RBFOX1: variants seen among roughly 807,000 people sequenced by gnomAD.
RBFOX1 encodes RNA binding protein fox-1 homolog 1.
In RBFOX1, 8 loss-of-function variants were observed where a neutral mutation model predicts 57.7. The observed-to-expected ratio is 0.14, with a 90% CI of 0.08 to 0.25. RBFOX1 has a LOEUF of 0.25. Ranked by LOEUF, RBFOX1 falls within the 10% of genes least tolerant of loss-of-function variation. RBFOX1 has a pLI of 1.00. For missense variants in RBFOX1, 611 were observed against 548.5 expected, an observed-to-expected ratio of 1.11 and a Z score of -1.14; for synonymous variants, 326 against 222.4, an observed-to-expected ratio of 1.47 and a Z score of -4.15.
chr16:6,002,837 G>C (rs574356315), intron 4 of RBFOX1, among the ~76,000 whole-genome samples: 1 of 152,200 alleles, frequency 6.6e-6, no homozygotes, highest in Non-Finnish European at 1.5e-5. Flanking sequence ...CGTGGTTTGT[G>C]GACTCCCATA....
intron 3 of RBFOX1, among the ~76,000 whole-genome samples, chr16:5,660,891 G>T (rs566645102): frequency 2.0e-5 from 3 of 152,182 alleles, no homozygotes; most frequent in African/African-American, 4.8e-5. Context: ...GCTGCTGCGT[G>T]TGCAAATTGA....
chr16:7,326,315 C>G (rs887577259), intron 4 of RBFOX1, among the ~76,000 whole-genome samples: 20 of 152,210 alleles, frequency 1.3e-4, no homozygotes, highest in Admixed American at 1.2e-3. Flanking sequence ...CCATAGATCA[C>G]GAGTGCTGGG....
At position 6,290,249 on chromosome 16, in the gene RBFOX1, T is replaced by C. The variant is rs1435474032; in HGVS notation, c.-126-26746T>C. ...AGCAGTGATGTCCGTGTGAATAACA[T>C]GTGCACTAAGAACGAAGGTGAATAT... On this transcript the variant is annotated intron_variant, in intron 1 of 15. Transcript: ENST00000550418. Among the ~76,000 whole-genome samples, 3 of 142,150 alleles carry C rather than the reference T, an allele frequency of 2.1e-5. 1 individual carries two copies. Among genetic ancestry groups the C allele is most frequent in the Non-Finnish European group, 4.6e-5 (3 of 65,406 alleles). 93.3% of individuals were successfully genotyped at this position (142,150 alleles called of 152,430 possible). A position where few individuals can be genotyped will look rare whatever the true frequency, so the allele number is the denominator to read the frequency against.
intron 4 of RBFOX1, among the ~76,000 whole-genome samples, chr16:7,067,320 T>A (rs1397428137): frequency 2.0e-5 from 3 of 152,044 alleles, no homozygotes; most frequent in Non-Finnish European, 4.4e-5. Context: ...AAAAAAATAG[T>A]GGTTTATAGA....
chr16:7,083,213 C>G (rs1005142568), intron 4 of RBFOX1, among the ~76,000 whole-genome samples: 4 of 152,064 alleles, frequency 2.6e-5, no homozygotes, highest in Admixed American at 2.0e-4. Flanking sequence ...TCCATTCCGT[C>G]TGTTTAACCT....
chr16:7,444,742 G>T (rs1171810198), intron 4 of RBFOX1, among the ~76,000 whole-genome samples: 3 of 152,112 alleles, frequency 2.0e-5, no homozygotes, highest in African/African-American at 4.8e-5. Context: ...ACGTTGCCCA[G>T]GCTGGTCCTG....
At chr16:6,610,409 C>T (rs559338050) in intron 2 of RBFOX1, among the ~76,000 whole-genome samples, 1 of 152,214 alleles carries the variant, frequency 6.6e-6, no homozygotes, top group African/African-American at 2.4e-5. Flanking sequence ...CTCACTGCAG[C>T]ATCAACCTTG....
intron 11 of RBFOX1, among the ~76,000 whole-genome samples, chr16:7,648,911 A>C (rs1166662522): frequency 6.6e-6 from 1 of 152,190 alleles, no homozygotes; most frequent in Admixed American, 6.5e-5. Flanking sequence ...ACTCTTTCAA[A>C]ATCTGGTTAC....
Position 7,504,729 on chromosome 16 carries a change from A to ATATATATT in RBFOX1, c.28-13411_28-13410insTTATATAT, listed in dbSNP as rs1567553303. Among the ~76,000 whole-genome samples the ATATATATT allele has an allele frequency of 2.4e-3, 17 of 7,124 alleles. 1 individual carries two copies. The highest frequency in any genetic ancestry group is 0.019 in the South Asian group (3 of 158). 4.7% of individuals were successfully genotyped at this position (7,124 alleles called of 152,430 possible). On this transcript the variant is annotated intron_variant, in intron 4 of 15. Transcript: ENST00000550418. ...TGAGATTATATATATATATATATAT[A>ATATATATT]TATATATATATATATATATATATAT... is the stretch of plus-strand genomic sequence containing the variant.
chr16:6,995,748 G>C (rs1176594419), intron 3 of RBFOX1, among the ~76,000 whole-genome samples: 1 of 152,012 alleles, frequency 6.6e-6, no homozygotes, highest in Non-Finnish European at 1.5e-5. Context: ...GCCATAGAGT[G>C]AGACTCCATC....
rs184705797 is a variant in RBFOX1 at position 6,819,216 on chromosome 16, G to A, written c.-16+164566G>A. On this transcript the variant is annotated intron_variant, in intron 3 of 15. Coordinates refer to ENST00000550418, the MANE Select transcript of RBFOX1 (RefSeq NM_018723.4). ...TTCTGTTTATTTCCGTATAGAAATC[G>A]TCTTCATTCCTGTGGTTGGCAATCC... 3.1e-3 allele frequency among the ~76,000 whole-genome samples: 478 copies of A among 152,232 alleles called. 4 individuals carry two copies. Among genetic ancestry groups the A allele is most frequent in the African/African-American group, 0.011 (447 of 41,538 alleles).
intron 1 of RBFOX1, among the ~76,000 whole-genome samples, chr16:6,031,635 A>T (rs1034446971): frequency 6.6e-6 from 1 of 152,104 alleles, no homozygotes; most frequent in African/African-American, 2.4e-5. Flanking sequence ...ACGTGTGTGT[A>T]TGTATGTACA....
chr16:5,783,721 C>T (rs1457774507), intron 3 of RBFOX1, among the ~76,000 whole-genome samples: 1 of 152,168 alleles, frequency 6.6e-6, no homozygotes, highest in Non-Finnish European at 1.5e-5. Flanking sequence ...GTCTAAAATT[C>T]CAGCCTGCTG....
chr16:6,186,307 C>A (rs1197950534), intron 1 of RBFOX1, among the ~76,000 whole-genome samples: 1 of 151,994 alleles, frequency 6.6e-6, no homozygotes, highest in Non-Finnish European at 1.5e-5. Context: ...GATGATTTTT[C>A]TGTGCAAGGG....
chr16:5,592,426 T>G (rs1359656734), intron 2 of RBFOX1, among the ~76,000 whole-genome samples: 1 of 152,012 alleles, frequency 6.6e-6, no homozygotes, highest in African/African-American at 2.4e-5. Context: ...ATCTTTTTTT[T>G]TTTTTTCTGA....
chr16:5,504,581 TCATCAA>T (rs1279928478), intron 2 of RBFOX1, among the ~76,000 whole-genome samples: 1 of 152,146 alleles, frequency 6.6e-6, no homozygotes, highest in Non-Finnish European at 1.5e-5. Flanking sequence ...CTGTTACTTA[TCATCAA>T]AGGGGAGGGC....
At position 5,537,518 on chromosome 16, in the gene RBFOX1, G is replaced by T. The variant is rs73516478; in HGVS notation, c.259-61384G>T. Reference sequence around the variant, plus strand: ...AACTTCCTTACTGGAGGCTGGAGGGGGGAATCTGTTTCCTTGCTTATATGT... The same window carrying T: ...AACTTCCTTACTGGAGGCTGGAGGGTGGAATCTGTTTCCTTGCTTATATGT... On this transcript the variant is annotated intron_variant, in intron 2 of 2. Transcript: ENST00000585867. 4.8e-3 allele frequency among the ~76,000 whole-genome samples: 730 copies of T among 152,300 alleles called. 12 individuals carry two copies. The highest frequency in any genetic ancestry group is 0.017 in the African/African-American group (693 of 41,558).
chr16:7,475,355 C>A lies in RBFOX1; in HGVS notation c.28-42792C>A, dbSNP rs551356258. Among the ~76,000 whole-genome samples the A allele has an allele frequency of 2.0e-5, 3 of 150,096 alleles. No individual in the cohort carries two copies. The South Asian group carries it at 6.4e-4, about 32-fold the overall frequency. ...TTCTAGATGGAGTCTCGCTCTGTCACCCAGGCTGGAGTGCAGTGGCGCGAT... is the reference window on the plus strand; with the variant it reads ...TTCTAGATGGAGTCTCGCTCTGTCAACCAGGCTGGAGTGCAGTGGCGCGAT... On this transcript the variant is annotated intron_variant, in intron 4 of 15. Transcript: ENST00000550418.
In RBFOX1 at chr16:7,707,661, C is replaced by T. The variant is rs754731142; in HGVS notation, c.996-1395C>T. Among the ~76,000 whole-genome samples, 15 of 152,270 alleles carry T rather than the reference C, an allele frequency of 9.9e-5. No homozygotes were observed. In the Middle Eastern group the frequency reaches 0.01, roughly 104 times the overall value. The stretch of plus-strand genomic sequence containing the variant: ...CCCATGTCAGAGGAAGCCACTTTAA[C>T]TCAATGGTGCATCACTCACTCCTCA... On this transcript the variant is annotated intron_variant, in intron 14 of 15. Coordinates refer to ENST00000550418, the MANE Select transcript of RBFOX1 (RefSeq NM_018723.4).
Sources: gnomAD v4.1 joint callset for allele counts (sites outside exome capture counted in the v4.1 genomes callset) on GRCh38, gnomAD v4.1.1 for gene constraint, MANE v1.5 for transcripts, NCBI Gene and HGNC (gene_info 2026-07-23, HGNC 2026-07-21) for gene names.